The following EYA3 variants were observed in gnomAD, a reference collection of about 807,000 sequenced individuals.
EYA3 encodes protein phosphatase EYA3.
A neutral mutation model predicts 80.0 loss-of-function variants in EYA3; 39 were observed. That is an observed-to-expected ratio of 0.49 (90% confidence interval 0.38 to 0.64). The LOEUF (loss-of-function observed/expected upper bound fraction) is 0.64. Ranked by LOEUF, EYA3 falls within the 30% of genes least tolerant of loss-of-function variation. EYA3 has a pLI of 0.00. For missense variants in EYA3, 523 were observed against 676.1 expected (o/e 0.77, Z 2.51); for synonymous variants, 206 against 232.8 (o/e 0.88, Z 1.05).
intron 2 of EYA3, among the ~76,000 whole-genome samples, chr1:28,056,913 C>G (rs555794339): frequency 6.6e-6 from 1 of 152,300 alleles, no homozygotes; most frequent in African/African-American, 2.4e-5. Context: ...TATAATTCAG[C>G]TATTTGTTCC....
intron 9 of EYA3, among the ~76,000 whole-genome samples, chr1:28,011,547 GT>G (rs1025599460): frequency 3.9e-5 from 6 of 152,124 alleles, no homozygotes; most frequent in African/African-American, 1.2e-4. Context: ...AACCAAAAAT[GT>G]TTCCATACAT....
chr1:28,063,917 G>C lies in EYA3; in HGVS notation c.-68-5823C>G, dbSNP rs111297680. Reference sequence around the variant, plus strand: ...GTATATAGTTGGTGTCCAACTTTGGGGGGGAAGGTAGAAACATACATGATT... The same window carrying C: ...GTATATAGTTGGTGTCCAACTTTGGCGGGGAAGGTAGAAACATACATGATT... On this transcript the variant is annotated intron_variant, in intron 1 of 17. Transcript: ENST00000373871. Among the ~76,000 whole-genome samples the C allele has an allele frequency of 7.7e-3, 1,169 of 152,098 alleles. 10 individuals carry two copies. Among genetic ancestry groups the C allele is most frequent in the Middle Eastern group, 0.051 (15 of 294 alleles).
At chr1:28,039,851 T>C (rs1378359523) in intron 4 of EYA3, among the ~76,000 whole-genome samples, 1 of 152,216 alleles carries the variant, frequency 6.6e-6, no homozygotes, top group Non-Finnish European at 1.5e-5. Context: ...CCTCTAATCA[T>C]TTTGACAAAA....
At chr1:28,027,965 T>C in intron 6 of EYA3, 39 bp from the exon 7 acceptor site, 1 of 1,612,440 alleles carries the variant, frequency 6.2e-7, no homozygotes, top group Non-Finnish European at 8.5e-7. Flanking sequence ...AACAATACAC[T>C]GGGACTGAGG....
At chr1:28,042,478 C>T (rs936969966) in intron 4 of EYA3, 93 bp downstream of exon 4, 4 of 1,088,788 alleles carry the variant, frequency 3.7e-6, no homozygotes, top group Non-Finnish European at 5.5e-6. Context: ...TATTTTGGGA[C>T]AAACAAGGCA....
intron 14 of EYA3, among the ~76,000 whole-genome samples, chr1:27,991,608 T>C (rs1039801278): frequency 6.6e-5 from 10 of 152,198 alleles, no homozygotes; most frequent in African/African-American, 2.4e-4. Flanking sequence ...TGGAGTATAA[T>C]TTGTTTTCAG....
chr1:28,008,693 C>T (rs758883873), intron 10 of EYA3, among the ~76,000 whole-genome samples: 1 of 152,118 alleles, frequency 6.6e-6, no homozygotes, highest in Non-Finnish European at 1.5e-5. Flanking sequence ...CTTGTAATCC[C>T]AGCACTTTGG....
At chr1:27,996,466 T>C (rs1001852369) in intron 13 of EYA3, among the ~76,000 whole-genome samples, 1 of 152,154 alleles carries the variant, frequency 6.6e-6, no homozygotes, top group Non-Finnish European at 1.5e-5. Context: ...ACCAGACTTT[T>C]CCCTGAAAAG....
intron 16 of EYA3, among the ~76,000 whole-genome samples, chr1:27,985,223 A>G (rs559325374): frequency 6.5e-4 from 98 of 151,512 alleles, no homozygotes; most frequent in Non-Finnish European, 1.1e-3. Flanking sequence ...GACTACAGAC[A>G]TGCACCACCA....
In EYA3 at chr1:28,035,554, T is replaced by C. The variant is rs936416928; in HGVS notation, c.351A>G (p.Leu117=). The C allele has an allele frequency of 5.6e-6, 9 of 1,612,996 alleles. No individual in the cohort carries two copies. Among genetic ancestry groups the C allele is most frequent in the South Asian group, 1.1e-5 (1 of 90,802 alleles). Residue 117 remains leucine, a synonymous_variant, in exon 6 of 18, where the codon CTA becomes CTG. Transcript: ENST00000373871. The part of the protein sequence containing the change: ...VYPQATQTYG[L]PPFGALWPGM... ...AATACAGTGCCTTACCAAAAGGAGG[T>C]AGTCCATACGTTTGGGTTGCCTGAG...
chr1:27,996,463 T>G (rs905820660), intron 13 of EYA3, among the ~76,000 whole-genome samples: 3 of 152,170 alleles, frequency 2.0e-5, no homozygotes, highest in African/African-American at 7.2e-5. Flanking sequence ...CAGACCAGAC[T>G]TTTCCCTGAA....
intron 13 of EYA3, among the ~76,000 whole-genome samples, chr1:27,995,040 T>C (rs1031974062): frequency 2.6e-5 from 4 of 152,054 alleles, no homozygotes; most frequent in African/African-American, 9.7e-5. Flanking sequence ...TGTATATGTA[T>C]ATTTTACCTT....
chr1:28,005,757 T>C (rs1641222566), intron 10 of EYA3, among the ~76,000 whole-genome samples: 1 of 151,078 alleles, frequency 6.6e-6, no homozygotes, highest in Admixed American at 6.6e-5. Flanking sequence ...AAACCACACA[T>C]CTATAAAACT....
intron 1 of EYA3, among the ~76,000 whole-genome samples, chr1:28,060,104 C>T (rs986327767): frequency 1.3e-5 from 2 of 152,272 alleles, no homozygotes; most frequent in East Asian, 1.9e-4. Context: ...TATAAAACTA[C>T]AATCTCTAGT....
Position 27,993,429 on chromosome 1 carries a change from A to C in EYA3, c.1274T>G (p.Ile425Ser). 1.2e-6 allele frequency: 2 copies of C among 1,613,474 alleles called. No individual in the cohort carries two copies. Among genetic ancestry groups the C allele is most frequent in the Non-Finnish European group, 1.7e-6 (2 of 1,179,770 alleles). The change falls in exon 14 of 18, where the codon ATC (isoleucine) becomes AGC (serine). Residue 425 changes from isoleucine to serine, a missense_variant. By Grantham distance (142) the Ile-to-Ser change is moderately radical. Around this residue, in one of 2 missense-constraint regions of EYA3, gnomAD observed 219 missense variants for 332.8 expected, o/e 0.66. Transcript: ENST00000373871. ...LAFRYRKVRE[I>S]YDKHKSNVGG... ...CACGTTGCTTTTATGCTTATCATAG[A>C]TTTCTCTCACTTTCCGGTAGCGGAA...
At chr1:27,997,149 A>G (rs1289238722) in intron 13 of EYA3, among the ~76,000 whole-genome samples, 171 bp downstream of exon 13, 1 of 152,128 alleles carries the variant, frequency 6.6e-6, no homozygotes, top group African/African-American at 2.4e-5. Context: ...TTCTATTGTC[A>G]CCTTCTCACA....
chr1:28,037,921 T>G (rs1205131694), intron 5 of EYA3, among the ~76,000 whole-genome samples: 1 of 152,226 alleles, frequency 6.6e-6, no homozygotes, highest in Non-Finnish European at 1.5e-5. Flanking sequence ...GCTTAATAAA[T>G]GCACTTGTAT....
intron 11 of EYA3, among the ~76,000 whole-genome samples, chr1:28,001,979 G>A (rs561942928): frequency 6.6e-6 from 1 of 151,686 alleles, no homozygotes; most frequent in African/African-American, 2.4e-5. Flanking sequence ...GCAATGGTGC[G>A]ATCTCAGCTC....
chr1:28,034,403 T>A (rs555470365), intron 6 of EYA3, among the ~76,000 whole-genome samples: 1 of 151,872 alleles, frequency 6.6e-6, no homozygotes, highest in Non-Finnish European at 1.5e-5. Context: ...CACAGAGGGG[T>A]CTTTCAAAAG....
Sources: allele counts gnomAD v4.1 joint callset (sites outside exome capture counted in the v4.1 genomes callset), GRCh38; gene constraint gnomAD v4.1.1; regional missense constraint gnomAD v4.1.1; transcripts MANE v1.5; gene names NCBI Gene and HGNC (gene_info 2026-07-23, HGNC 2026-07-21).